TMEM120B: variants seen among roughly 807,000 people sequenced by gnomAD.
TMEM120B encodes the protein transmembrane protein 120B.
In TMEM120B, 31 loss-of-function variants were observed where a neutral mutation model predicts 55.5. The ratio of observed to expected loss-of-function variants is 0.56; its 90% CI spans 0.42 to 0.75. TMEM120B has a LOEUF of 0.75. Ranked by LOEUF, TMEM120B falls within the 30% of genes least tolerant of loss-of-function variation. TMEM120B has a pLI of 0.00. For missense variants in TMEM120B, 399 were observed against 425.5 expected (o/e 0.94, Z 0.55); for synonymous variants, 203 against 176.3 (o/e 1.15, Z -1.20).
intron 5 of TMEM120B, among the ~76,000 whole-genome samples, chr12:121,759,567 A>T (rs1341127953): frequency 6.6e-6 from 1 of 151,624 alleles, no homozygotes; most frequent in Admixed American, 6.6e-5. Flanking sequence ...AATCCCATCT[A>T]CTCTGGAGGC....
At chr12:121,768,992 A>G (rs1054696545) in intron 6 of TMEM120B, among the ~76,000 whole-genome samples, 1 of 152,056 alleles carries the variant, frequency 6.6e-6, no homozygotes, top group African/African-American at 2.4e-5. Context: ...CTAAAAATAC[A>G]AAAATTAGCC....
At chr12:121,763,523 A>G (rs981920217) in intron 6 of TMEM120B, among the ~76,000 whole-genome samples, 5 of 151,958 alleles carry the variant, frequency 3.3e-5, no homozygotes, top group African/African-American at 1.2e-4. Flanking sequence ...AGCTCACTGC[A>G]ACCTCTGCCT....
intron 8 of TMEM120B, among the ~76,000 whole-genome samples, chr12:121,772,085 T>C (rs1298206748): frequency 1.4e-4 from 20 of 141,776 alleles, no homozygotes; most frequent in East Asian, 1.3e-3. Flanking sequence ...TTCTTTCTCT[T>C]TCTCTCTCTC....
intron 1 of TMEM120B, among the ~76,000 whole-genome samples, chr12:121,717,079 T>G (rs1894716525): frequency 6.6e-6 from 1 of 152,122 alleles, no homozygotes; most frequent in African/African-American, 2.4e-5. Flanking sequence ...GAGGACTTAG[T>G]TTTTGGGTGG....
chr12:121,779,366 T>G lies in TMEM120B; in HGVS notation c.*3644T>G, dbSNP rs1486712313. On this transcript the variant is annotated 3_prime_UTR_variant, in exon 12 of 12. Coordinates refer to ENST00000449592, the MANE Select transcript of TMEM120B (RefSeq NM_001080825.2). ...GCCAGGAAAGGAGAGAGTTCCAGAATGTTCCAAGAGTCTAGCCGCAGGCCC... is the reference window on the plus strand; with the variant it reads ...GCCAGGAAAGGAGAGAGTTCCAGAAGGTTCCAAGAGTCTAGCCGCAGGCCC... 2 of 937,908 alleles carry G rather than the reference T, an allele frequency of 2.1e-6. No homozygotes were observed. The highest frequency in any genetic ancestry group is 3.1e-6 in the Non-Finnish European group (2 of 639,828). 58.1% of individuals were successfully genotyped at this position (937,908 alleles called of 1,614,324 possible). A position where few individuals can be genotyped will look rare whatever the true frequency, so the allele number is the denominator to read the frequency against.
chr12:121,730,543 T>G (rs777885090), intron 1 of TMEM120B, among the ~76,000 whole-genome samples: 10 of 147,512 alleles, frequency 6.8e-5, no homozygotes, highest in Non-Finnish European at 1.0e-4. Flanking sequence ...CCCAACTACT[T>G]GGAAGGCTGA....
intron 1 of TMEM120B, among the ~76,000 whole-genome samples, chr12:121,722,623 C>T (rs1002724681): frequency 6.6e-6 from 1 of 152,080 alleles, no homozygotes; most frequent in Non-Finnish European, 1.5e-5. Flanking sequence ...TACAATGTGG[C>T]ACTTGCAATA....
In TMEM120B at chr12:121,779,435, G is replaced by A; in HGVS notation, c.*3713G>A. On this transcript the variant is annotated 3_prime_UTR_variant, in exon 12 of 12. Transcript: ENST00000449592. ...GGGTCGGGATGGGGCAGCCTCCCTG[G>A]TGCAATCGGCACCTGGGCCCCCGGG... is the stretch of plus-strand genomic sequence containing the variant. 6.4e-7 allele frequency: 1 copy of A among 1,571,394 alleles called. No individual in the cohort carries two copies.
intron 6 of TMEM120B, among the ~76,000 whole-genome samples, chr12:121,767,653 A>C (rs1873893088): frequency 6.6e-6 from 1 of 152,210 alleles, no homozygotes; most frequent in Non-Finnish European, 1.5e-5. Flanking sequence ...GAATCACATC[A>C]CAGTAAAATG....
chr12:121,715,309 G>C lies in TMEM120B; in HGVS notation c.69+2345G>C, dbSNP rs531525843. ...GACTGTGCCATTGCACTCCAGCCTG[G>C]GCAACAGAGCAAGACTCCGTCTCAA... On this transcript the variant is annotated intron_variant, in intron 1 of 11. Coordinates refer to ENST00000449592, the MANE Select transcript of TMEM120B (RefSeq NM_001080825.2). Among the ~76,000 whole-genome samples the C allele has an allele frequency of 1.1e-4, 17 of 152,222 alleles. No homozygotes were observed. In the South Asian group the frequency reaches 3.1e-3, roughly 28 times the overall value.
chr12:121,757,147 G>A (rs1038230276), intron 5 of TMEM120B, among the ~76,000 whole-genome samples: 1 of 151,232 alleles, frequency 6.6e-6, no homozygotes, highest in Non-Finnish European at 1.5e-5. Context: ...CGGTGGGGGG[G>A]GGGGGTGTCA....
Position 121,780,965 on chromosome 12 carries a change from C to G in TMEM120B, c.*5243C>G. On this transcript the variant is annotated 3_prime_UTR_variant, in exon 12 of 12. Transcript: ENST00000449592. ...GGTCTGTCTTGCAGCCGATGAGCAC[C>G]ATGGGGATCCCGCGGCAGAAATGCG... 6.2e-7 allele frequency: 1 copy of G among 1,614,094 alleles called. No individual in the cohort carries two copies.
At chr12:121,727,522 G>C (rs796504127) in intron 1 of TMEM120B, among the ~76,000 whole-genome samples, 31 of 131,602 alleles carry the variant, frequency 2.4e-4, no homozygotes, top group African/African-American at 9.0e-4. Context: ...GCATGACAGA[G>C]AGAGACCCTG....
rs1335418927 is a variant in TMEM120B at position 121,779,269 on chromosome 12, A to G, written c.*3547A>G. 3 of 575,102 alleles carry G rather than the reference A, an allele frequency of 5.2e-6. No individual in the cohort carries two copies. Among genetic ancestry groups the G allele is most frequent in the East Asian group, 5.8e-5 (2 of 34,762 alleles). The allele number at this position is 575,102 out of a possible 1,614,324, so 35.6% of individuals were successfully genotyped here. A position where few individuals can be genotyped will look rare whatever the true frequency, so the allele number is the denominator to read the frequency against. ...GCACTTGCGAGTCCCGACAACAGAC[A>G]CTGGCTCCTGCACCCACATCACCAC... is the stretch of plus-strand genomic sequence containing the variant. On this transcript the variant is annotated 3_prime_UTR_variant, in exon 12 of 12. Coordinates refer to ENST00000449592, the MANE Select transcript of TMEM120B (RefSeq NM_001080825.2).
rs2309143 is a variant in TMEM120B, at chr12:121,743,770, G to C, written c.188+23G>C. 1,019 of 1,558,890 alleles carry C rather than the reference G, an allele frequency of 6.5e-4. 8 individuals are homozygous for C. The African/African-American group carries it at 0.011, about 17-fold the overall frequency. On this transcript the variant is annotated intron_variant, in intron 2 of 11. Coordinates refer to ENST00000449592, the MANE Select transcript of TMEM120B (RefSeq NM_001080825.2). The stretch of plus-strand genomic sequence containing the variant: ...GAGGTAGGTGCAGCTGTAGCCCGGG[G>C]GCTGCCCTGGTTCTGAGGGACAGAA...
chr12:121,757,309 G>A (rs187942382), intron 5 of TMEM120B, among the ~76,000 whole-genome samples: 70 of 150,692 alleles, frequency 4.6e-4, no homozygotes, highest in Admixed American at 2.9e-3. Flanking sequence ...TCACAGGAGC[G>A]CACCACCACA....
At chr12:121,774,941 C>G in intron 10 of TMEM120B, 121 bp from the exon 11 acceptor site, 1 of 1,169,410 alleles carries the variant, frequency 8.6e-7, no homozygotes, top group East Asian at 2.5e-5. Flanking sequence ...TTGGGGGTGT[C>G]TGTCAGTGTT....
At chr12:121,736,120 G>T (rs1215763785) in intron 1 of TMEM120B, among the ~76,000 whole-genome samples, 1 of 151,996 alleles carries the variant, frequency 6.6e-6, no homozygotes, top group Non-Finnish European at 1.5e-5. Context: ...AGCTTACCTA[G>T]CTTCAGCAAC....
chr12:121,717,047 T>C (rs927480395), intron 1 of TMEM120B, among the ~76,000 whole-genome samples: 2 of 152,192 alleles, frequency 1.3e-5, no homozygotes, highest in Non-Finnish European at 2.9e-5. Flanking sequence ...TCCTGAACCC[T>C]GGGGCACAGT....
Sources: allele counts gnomAD v4.1 joint callset (sites outside exome capture counted in the v4.1 genomes callset), GRCh38; gene constraint gnomAD v4.1.1; transcripts MANE v1.5; gene names NCBI Gene and HGNC (gene_info 2026-07-23, HGNC 2026-07-21).